The following UMODL1 variants were observed in gnomAD, a reference collection of about 807,000 sequenced individuals.
UMODL1 encodes the protein uromodulin-like 1.
In UMODL1, 128 loss-of-function variants were observed where a neutral mutation model predicts 136.3. That is an observed-to-expected ratio of 0.94 (90% CI 0.81 to 1.09). The LOEUF is 1.09. UMODL1 is among the 50% of genes least tolerant of loss of function. UMODL1 has a pLI of 0.00. For synonymous variants in UMODL1, 721 were observed against 720.0 expected (o/e 1.00, Z -0.02); for missense variants, 1,766 against 1,725.6 (o/e 1.02, Z -0.41).
chr21:42,073,318 A>G (rs962160049), intron 1 of UMODL1, among the ~76,000 whole-genome samples: 2 of 151,988 alleles, frequency 1.3e-5, no homozygotes. Flanking sequence ...CATGCAAGTC[A>G]CCTCTAGGCT....
At position 42,127,783 on chromosome 21, in the gene UMODL1, C is replaced by G; in HGVS notation, c.3642C>G (p.His1214Gln). 1 of 1,614,220 alleles carries G rather than the reference C, an allele frequency of 6.2e-7. No individual in the cohort carries two copies. The highest frequency in any genetic ancestry group is 8.5e-7 in the Non-Finnish European group (1 of 1,180,046). Residue 1214 changes from histidine to glutamine, a missense_variant, in exon 20 of 23, where the codon CAC becomes CAG. Physicochemically the swap from His to Gln is conservative, Grantham distance 24 (BLOSUM62 0). Transcript: ENST00000408910. ...SFINDSIVYL[H>Q]CKLRVCMESP... ...TCAACGACTCCATCGTCTACCTGCA[C>G]TGCAAACTCCGCGTCTGCATGGAAT...
intron 7 of UMODL1, among the ~76,000 whole-genome samples, chr21:42,101,287 G>A (rs930599143): frequency 1.3e-5 from 2 of 152,084 alleles, no homozygotes; most frequent in Admixed American, 6.5e-5. Flanking sequence ...GGGGCTCTGC[G>A]ATACGTCGGG....
rs753668068 is a variant in UMODL1, at chr21:42,121,161, A to C, written c.2764A>C (p.Thr922Pro). The C allele has an allele frequency of 6.2e-7, 1 of 1,614,118 alleles. No homozygotes were observed. The highest frequency in any genetic ancestry group is 8.5e-7 in the Non-Finnish European group (1 of 1,180,010). Residue 922 changes from threonine (T) to proline (P), a missense_variant, in exon 16 of 23, where the codon ACT (threonine) becomes CCT (proline). Physicochemically the swap from Thr to Pro is conservative, Grantham distance 38. Transcript: ENST00000408910. ...TSCRNTLGSF[T>P]CSCEGGAPDF... ...CTGTCGAAACACCCTCGGGTCTTTC[A>C]CTTGTAGCTGCGAGGGAGGAGCCCC...
intron 9 of UMODL1, 44 bp from the exon 10 acceptor site, chr21:42,109,518 T>A: frequency 6.2e-7 from 1 of 1,600,042 alleles, no homozygotes; most frequent in Non-Finnish European, 8.5e-7. Context: ...TGATCACTCT[T>A]TGGCTGTTTT....
At chr21:42,109,386 G>A (rs552121781) in intron 9 of UMODL1, among the ~76,000 whole-genome samples, 176 bp from the exon 10 acceptor site, 3 of 152,262 alleles carry the variant, frequency 2.0e-5, no homozygotes, top group African/African-American at 4.8e-5. Context: ...TGTGAAGGTG[G>A]GCACAGGCAG....
At chr21:42,069,269 A>ACACACAC (rs1171449440), upstream of UMODL1, among the ~76,000 whole-genome samples, 242 of 46,640 alleles carry the variant, frequency 5.2e-3, no homozygotes, top group Non-Finnish European at 9.9e-3. Context: ...CACACACACA[A>ACACACAC]ACAGCAGGGG....
At chr21:42,083,835 A>G (rs2066391311) in intron 2 of UMODL1, among the ~76,000 whole-genome samples, 1 of 152,204 alleles carries the variant, frequency 6.6e-6, no homozygotes, top group Admixed American at 6.5e-5. Context: ...TGAGGCCTAG[A>G]GGAAACAGAG....
chr21:42,073,884 T>C (rs1375977207), intron 1 of UMODL1, among the ~76,000 whole-genome samples: 1 of 152,072 alleles, frequency 6.6e-6, no homozygotes, highest in East Asian at 1.9e-4. Flanking sequence ...GGGGGTACAG[T>C]CTAGTAAAGC....
At chr21:42,088,572 C>G (rs753530189) in intron 5 of UMODL1, 92 bp downstream of exon 5, 11 of 1,317,518 alleles carry the variant, frequency 8.3e-6, no homozygotes, top group Non-Finnish European at 9.2e-6. Context: ...CAGACCAGTC[C>G]TTTGTCTTTT....
At chr21:42,090,246 T>C (rs2066475046) in intron 5 of UMODL1, 52 bp from the exon 6 acceptor site, 2 of 1,609,142 alleles carry the variant, frequency 1.2e-6, no homozygotes, top group Non-Finnish European at 1.7e-6. Context: ...TAGATGAAGA[T>C]GACGAGGTAG....
intron 4 of UMODL1, among the ~76,000 whole-genome samples, chr21:42,087,769 T>C (rs2146445468): frequency 6.6e-6 from 1 of 152,302 alleles, no homozygotes; most frequent in Admixed American, 6.5e-5. Context: ...CAGAAACTTA[T>C]TCTGTCACAG....
intron 9 of UMODL1, among the ~76,000 whole-genome samples, chr21:42,104,701 C>T (rs1433649960): frequency 6.6e-6 from 1 of 152,218 alleles, no homozygotes; most frequent in African/African-American, 2.4e-5. Flanking sequence ...CCACCTGCCT[C>T]AGCCTCCCAA....
chr21:42,120,319 CT>C (rs2066952973), intron 15 of UMODL1, among the ~76,000 whole-genome samples: 1 of 152,254 alleles, frequency 6.6e-6, no homozygotes, highest in South Asian at 2.1e-4. Flanking sequence ...CACTTGGATT[CT>C]GAAATATCAG....
In UMODL1 at chr21:42,119,220, T is replaced by C; in HGVS notation, c.2585T>C (p.Leu862Pro). 6.2e-7 allele frequency: 1 copy of C among 1,614,242 alleles called. No homozygotes were observed. Among genetic ancestry groups the C allele is most frequent in the African/African-American group, 1.3e-5 (1 of 75,076 alleles). The change falls in exon 15 of 23, where the codon CTG becomes CCG. Residue 862 changes from leucine to proline, a missense_variant. Physicochemically the swap from Leu to Pro is moderately conservative, Grantham distance 98. Transcript: ENST00000408910. ...NGSIVVEFHL[L>P]IIADVDVQEV... ...AGCATCGTGGTGGAGTTTCACTTGCTGATAATCGCAGATGTGGATGTCCAG... is the reference window on the plus strand; with the variant it reads ...AGCATCGTGGTGGAGTTTCACTTGCCGATAATCGCAGATGTGGATGTCCAG...
intron 19 of UMODL1, 118 bp downstream of exon 19, chr21:42,127,360 T>G: frequency 2.0e-6 from 2 of 980,160 alleles, no homozygotes; most frequent in Non-Finnish European, 3.2e-6. Flanking sequence ...TCATTAACAA[T>G]AGGTAGGGCT....
intron 1 of UMODL1, 136 bp from the exon 2 acceptor site, chr21:42,075,869 G>A (rs1372792981): frequency 1.2e-5 from 15 of 1,297,452 alleles, no homozygotes; most frequent in Non-Finnish European, 7.5e-6. Flanking sequence ...AGGGCTGGTG[G>A]GCAGCTTCTG....
intron 15 of UMODL1, 24 bp downstream of exon 15, chr21:42,119,348 T>G: frequency 6.2e-7 from 1 of 1,604,130 alleles, no homozygotes; most frequent in Non-Finnish European, 8.5e-7. Flanking sequence ...GGATGGAGCC[T>G]CTCCCGTGTT....
At chr21:42,103,230 A>ATC in intron 8 of UMODL1, 1 of 201,146 alleles carries the variant, frequency 5.0e-6, no homozygotes, top group Non-Finnish European at 1.0e-5. Context: ...GATGTGTAGA[A>ATC]ATGCCAGAGA....
intron 2 of UMODL1, among the ~76,000 whole-genome samples, chr21:42,080,025 C>T (rs2066343121): frequency 6.6e-6 from 1 of 152,226 alleles, no homozygotes; most frequent in Non-Finnish European, 1.5e-5. Flanking sequence ...GCTGGAGGGC[C>T]TGTATCCCAT....
Sources: allele counts gnomAD v4.1 joint callset (sites outside exome capture counted in the v4.1 genomes callset), GRCh38; gene constraint gnomAD v4.1.1; transcripts MANE v1.5; gene names NCBI Gene and HGNC (gene_info 2026-07-23, HGNC 2026-07-21).